Variants in SRRM2 observed in about 807,000 individuals in gnomAD.
The protein encoded by SRRM2 is serine/arginine repetitive matrix protein 2.
Under a neutral mutation model 213.8 loss-of-function variants are expected in SRRM2, and 30 were observed. The ratio of observed to expected loss-of-function variants is 0.14; its 90% confidence interval spans 0.10 to 0.19. SRRM2 has a LOEUF of 0.19. Ranked by LOEUF, SRRM2 falls within the 10% of genes least tolerant of loss-of-function variation. The pLI is 1.00. For missense variants in SRRM2, 4,904 were observed against 3,647.0 expected, an observed-to-expected ratio of 1.34 and a Z score of -8.88; for synonymous variants, 2,025 against 1,377.7, an observed-to-expected ratio of 1.47 and a Z score of -10.40.
intron 1 of SRRM2, among the ~76,000 whole-genome samples, chr16:2,755,595 C>T (rs1454162518): frequency 6.6e-6 from 1 of 152,078 alleles, no homozygotes; most frequent in East Asian, 1.9e-4. Context: ...AATAAAATAT[C>T]AGGATAGTTG....
At chr16:2,757,664 T>C (rs754661619) in intron 3 of SRRM2, 85 bp downstream of exon 3, 10 of 1,579,646 alleles carry the variant, frequency 6.3e-6, no homozygotes, top group Non-Finnish European at 8.6e-6. Context: ...ACGTGGGACT[T>C]CCTCCCTGCT....
At position 2,769,150 on chromosome 16, in the gene SRRM2, C is replaced by T. The variant is rs757896163; in HGVS notation, c.7887C>T (p.Ser2629=). The T allele has an allele frequency of 2.5e-6, 4 of 1,611,564 alleles. No individual in the cohort carries two copies. Among genetic ancestry groups the T allele is most frequent in the African/African-American group, 1.3e-5 (1 of 74,814 alleles). Residue 2629 remains serine, a synonymous_variant, in exon 12 of 15, where the codon TCC becomes TCT. Transcript: ENST00000301740. ...CCTCCTCCTCCTCCTCTTCTTCCTC[C>T]TCCTCTTCCTCTTCTTCTTCTTCCT... is the stretch of plus-strand genomic sequence containing the variant. ...SSSSSSSSSS[S]SSSSSSSSSS... is the part of the protein sequence containing the mutation.
At position 2,756,435 on chromosome 16, in the gene SRRM2, C is replaced by G; in HGVS notation, c.71C>G (p.Ser24Cys). 6.2e-7 allele frequency: 1 copy of G among 1,612,400 alleles called. No homozygotes were observed. The highest frequency in any genetic ancestry group is 8.5e-7 in the Non-Finnish European group (1 of 1,179,386). The part of the protein sequence containing the change: ...GTNGYVQRNL[S>C]LVRGRRGERP... The stretch of plus-strand genomic sequence containing the variant: ...AACGGCTACGTCCAGCGCAACCTGT[C>G]CCTGGTGCGGGGCCGCCGGGGTGAG... Residue 24 changes from serine (S) to cysteine (C), a missense_variant, in exon 2 of 15, where the codon TCC (serine) becomes TGC (cysteine). Coordinates refer to ENST00000301740, the MANE Select transcript of SRRM2 (RefSeq NM_016333.4).
At chr16:2,757,029 T>C (rs1387939382) in intron 2 of SRRM2, among the ~76,000 whole-genome samples, 1 of 151,974 alleles carries the variant, frequency 6.6e-6, no homozygotes, top group Non-Finnish European at 1.5e-5. Flanking sequence ...ATTAGAAGAA[T>C]ACGTGAAGAA....
chr16:2,765,353 A>G lies in SRRM2; in HGVS notation c.4825A>G (p.Arg1609Gly), dbSNP rs751307180. 54 of 1,614,056 alleles carry G rather than the reference A, an allele frequency of 3.3e-5. No homozygotes were observed. The Admixed American group carries it at 7.3e-4, about 22-fold the overall frequency. Residue 1609 changes from arginine (R) to glycine (G), a missense_variant, in exon 11 of 15, where the codon AGA becomes GGA. Physicochemically the swap from Arg to Gly is moderately radical, Grantham distance 125. Coordinates refer to ENST00000301740, the MANE Select transcript of SRRM2 (RefSeq NM_016333.4). ...CTCCCCTGAAGTGAAAGATAAGCCA[A>G]GAGCAGCACCCAGGGCACAGAGTGG... ...GSSPEVKDKP[R>G]AAPRAQSGSD...
intron 8 of SRRM2, 79 bp from the exon 9 acceptor site, chr16:2,759,490 T>C (rs1734498331): frequency 6.2e-7 from 1 of 1,601,920 alleles, no homozygotes. Flanking sequence ...CCCTGACTGG[T>C]AAAGGGTTGA....
chr16:2,765,148 A>T lies in SRRM2; in HGVS notation c.4620A>T (p.Gly1540=). Residue 1540 remains glycine (G), a synonymous_variant, in exon 11 of 15, where the codon GGA becomes GGT. Transcript: ENST00000301740. ...CCCTGGGGCAGAGAAGTCGTTCGGG[A>T]TCCTCTCAAGAACTTGATGTGAAAC... The part of the protein sequence containing the change: ...RTPLGQRSRS[G]SSQELDVKPS... The T allele has an allele frequency of 6.2e-7, 1 of 1,614,138 alleles. No homozygotes were observed.
intron 4 of SRRM2, among the ~76,000 whole-genome samples, 191 bp downstream of exon 4, chr16:2,758,136 A>C (rs1418889974): frequency 6.6e-6 from 1 of 152,190 alleles, no homozygotes. Flanking sequence ...GCATTTTGGG[A>C]AGCTCAGGCA....
chr16:2,759,145 A>G lies in SRRM2; in HGVS notation c.662A>G (p.Glu221Gly). 1.2e-6 allele frequency: 2 copies of G among 1,614,226 alleles called. No individual in the cohort carries two copies. The highest frequency in any genetic ancestry group is 1.7e-5 in the Admixed American group (1 of 60,030). ...KSSKKKKHRS[E>G]SESKKRKHRS... is the part of the protein sequence containing the mutation. ...TCTTCTCTTTTTTCCAACAGGTCAG[A>G]ATCTGAGTCCAAGAAACGTAAGCAT... The change falls in exon 7 of 15, where the codon GAA becomes GGA. Residue 221 changes from glutamate to glycine, a missense_variant. Transcript: ENST00000301740.
intron 1 of SRRM2, among the ~76,000 whole-genome samples, chr16:2,755,023 C>T (rs1180934445): frequency 6.6e-6 from 1 of 152,214 alleles, no homozygotes; most frequent in Non-Finnish European, 1.5e-5. Context: ...TCCCTTCTAT[C>T]CAGTTCTTTT....
At position 2,763,095 on chromosome 16, in the gene SRRM2, C is replaced by G. The variant is rs12185191; in HGVS notation, c.2567C>G (p.Thr856Arg). ...SGTPPRQGSI[T>R]SPQANEQSVT... is the part of the protein sequence containing the mutation. ...ACACCACCGAGGCAAGGGTCCATAA[C>G]AAGTCCCCAGGCCAATGAGCAATCT... The change falls in exon 11 of 15, where the codon ACA becomes AGA. Residue 856 changes from threonine to arginine, a missense_variant. Thr to Arg is a moderately conservative substitution (Grantham distance 71, BLOSUM62 -1). Transcript: ENST00000301740. 22,881 of 1,614,194 alleles carry G rather than the reference C, an allele frequency of 0.014. 228 individuals carry two copies. Among genetic ancestry groups the G allele is most frequent in the Non-Finnish European group, 0.017 (20,508 of 1,180,026 alleles).
At position 2,761,579 on chromosome 16, in the gene SRRM2, A is replaced by T. The variant is rs755950417; in HGVS notation, c.1051A>T (p.Ser351Cys). The T allele has an allele frequency of 3.7e-5, 56 of 1,512,450 alleles. No homozygotes were observed. The highest frequency in any genetic ancestry group is 4.7e-5 in the Non-Finnish European group (53 of 1,132,950). The allele number at this position is 1,512,450 out of a possible 1,614,324, so 93.7% of individuals were successfully genotyped here. A position where few individuals can be genotyped will look rare whatever the true frequency, so the allele number is the denominator to read the frequency against. Residue 351 changes from serine to cysteine, a missense_variant, in exon 11 of 15, where the codon AGC becomes TGC. By Grantham distance (112) the Ser-to-Cys change is moderately radical. Transcript: ENST00000301740. ...DKKEKSATRP[S>C]PSPERSSTGP... ...CTCTTAGAAATCTGCAACTCGACCT[A>T]GCCCCTCTCCGGAAAGGAGCAGCAC...
chr16:2,769,847 T>C (rs1439892343), intron 12 of SRRM2: 3 of 464,354 alleles, frequency 6.5e-6, no homozygotes, highest in Non-Finnish European at 1.3e-5. Context: ...CCCCCACACA[T>C]GCCCTGTGCT....
rs369859284 is a variant in SRRM2, at chr16:2,758,452, C to T, written c.516-18C>T. The T allele has an allele frequency of 6.2e-7, 1 of 1,606,488 alleles. No individual in the cohort carries two copies. The highest frequency in any genetic ancestry group is 1.7e-5 in the Admixed American group (1 of 60,010). ...TTTGTTCTACCACCCATCTCTGCTG[C>T]TTTTCATTTTTCCCTAGCCTTGTTC... is the stretch of plus-strand genomic sequence containing the variant. On this transcript the variant is annotated intron_variant, in intron 4 of 14. Coordinates refer to ENST00000301740, the MANE Select transcript of SRRM2 (RefSeq NM_016333.4).
Position 2,770,946 on chromosome 16 carries a change from G to T in SRRM2, c.*79G>T. The T allele has an allele frequency of 6.3e-7, 1 of 1,586,782 alleles. No homozygotes were observed. ...CCCTTCTTCCCCAGCAGAGCCGTGG[G>T]AGGGTCCTTGTCTGCTCTCCTTTGA... On this transcript the variant is annotated 3_prime_UTR_variant, in exon 15 of 15. Transcript: ENST00000301740.
At chr16:2,768,532 A>G in intron 11 of SRRM2, 2 of 668,976 alleles carry the variant, frequency 3.0e-6, no homozygotes, top group Non-Finnish European at 5.5e-6. Context: ...AATGGACTTA[A>G]TTTTACAGCA....
At chr16:2,770,799 GAAACTGGCCTTGA>G in intron 14 of SRRM2, 46 bp from the exon 15 acceptor site, 7 of 1,612,814 alleles carry the variant, frequency 4.3e-6, no homozygotes, top group Non-Finnish European at 5.9e-6. Flanking sequence ...GAGTGGCCCA[GAAACTGGCCTTGA>G]GGGCTGGGGT....
In SRRM2 at chr16:2,762,041, C is replaced by A. The variant is rs774930581; in HGVS notation, c.1513C>A (p.His505Asn). The A allele has an allele frequency of 6.2e-7, 1 of 1,614,230 alleles. No homozygotes were observed. The highest frequency in any genetic ancestry group is 8.5e-7 in the Non-Finnish European group (1 of 1,180,044). Residue 505 changes from histidine (H) to asparagine (N), a missense_variant, in exon 11 of 15, where the codon CAT (histidine) becomes AAT (asparagine). Coordinates refer to ENST00000301740, the MANE Select transcript of SRRM2 (RefSeq NM_016333.4). ...SRSRTPTKRG[H>N]SRSRSPQWRR... The stretch of plus-strand genomic sequence containing the variant: ...GTCTCGAACCCCTACCAAGAGAGGT[C>A]ATTCTCGATCCCGATCTCCCCAGTG...
chr16:2,764,952 G>C lies in SRRM2; in HGVS notation c.4424G>C (p.Arg1475Thr), dbSNP rs777496308. ...AAAGATATACCTAGAACGCCATCTA[G>C]AGGGAGAAGCGAATGTGATTCTTCC... ...GMKDIPRTPS[R>T]GRSECDSSPE... The change falls in exon 11 of 15, where the codon AGA becomes ACA. Residue 1475 changes from arginine to threonine, a missense_variant. Arg to Thr is a moderately conservative substitution (Grantham distance 71). Transcript: ENST00000301740. 1 of 1,614,164 alleles carries C rather than the reference G, an allele frequency of 6.2e-7. No individual in the cohort carries two copies. The highest frequency in any genetic ancestry group is 8.5e-7 in the Non-Finnish European group (1 of 1,180,042).
Sources: allele counts gnomAD v4.1 joint callset (sites outside exome capture counted in the v4.1 genomes callset), GRCh38; gene constraint gnomAD v4.1.1; transcripts MANE v1.5; gene names NCBI Gene and HGNC (gene_info 2026-07-23, HGNC 2026-07-21).